Variants in FAM149A observed in about 807,000 individuals in gnomAD.
The protein encoded by FAM149A is protein FAM149A.
In FAM149A, 71 loss-of-function variants were observed where a neutral mutation model predicts 78.2. That is an observed-to-expected ratio of 0.91 (90% CI 0.75 to 1.11). The LOEUF is 1.11. Among genes scored for constraint, FAM149A ranks in the 50% least tolerant of loss-of-function variants. The probability of loss-of-function intolerance (pLI) is 0.00; values close to 1 mark genes in which losing one functional copy is unlikely to be tolerated. For missense variants in FAM149A, 1,036 were observed against 971.0 expected (o/e 1.07, Z -0.89); for synonymous variants, 446 against 410.5 (o/e 1.09, Z -1.04).
chr4:186,149,295 C>G lies in FAM149A; in HGVS notation c.677+12C>G, dbSNP rs1314262126. ...GATAAATATACCTGGTAAGAATTCA[C>G]CTTGCTTCAGATTACAAAATCACAA... On this transcript the variant is annotated intron_variant, in intron 2 of 13. Coordinates refer to ENST00000389354, the MANE Select transcript of FAM149A (RefSeq NM_001367768.3). 1 of 1,279,292 alleles carries G rather than the reference C, an allele frequency of 7.8e-7. No individual in the cohort carries two copies. The highest frequency in any genetic ancestry group is 5.6e-5 in the East Asian group (1 of 17,918). The allele number at this position is 1,279,292 out of a possible 1,614,324, so 79.2% of individuals were successfully genotyped here.
intron 1 of FAM149A, chr4:186,110,395 T>C (rs2099310713): frequency 5.1e-6 from 1 of 197,936 alleles, no homozygotes; most frequent in Non-Finnish European, 5.6e-6. Flanking sequence ...GTTACTTTCT[T>C]TTTTTTTTTT....
rs200091008 is a variant in FAM149A at position 186,166,953 on chromosome 4, C to G, written c.2011-15C>G. 6.2e-7 allele frequency: 1 copy of G among 1,607,458 alleles called. No homozygotes were observed. Among genetic ancestry groups the G allele is most frequent in the Non-Finnish European group, 8.5e-7 (1 of 1,176,044 alleles). On this transcript the variant is annotated splice_polypyrimidine_tract_variant and intron_variant, in intron 11 of 13. Coordinates refer to ENST00000389354, the MANE Select transcript of FAM149A (RefSeq NM_001367768.3). ...TGCATTTATTTTAAACAAGAACATA[C>G]TATCCTTCATTTAGTACAGAGGAAG...
At chr4:186,156,378 A>C (rs549321461) in intron 7 of FAM149A, among the ~76,000 whole-genome samples, 188 bp downstream of exon 7, 2 of 152,296 alleles carry the variant, frequency 1.3e-5, no homozygotes, top group South Asian at 2.1e-4. Flanking sequence ...TGTTATAAAA[A>C]ATAATGCAGG....
chr4:186,109,083 G>GAGAC (rs1206830917), intron 1 of FAM149A: 2 of 454,890 alleles, frequency 4.4e-6, no homozygotes, highest in Non-Finnish European at 5.8e-6. Context: ...TCCTGACCTT[G>GAGAC]TAATTTGCCC....
intron 8 of FAM149A, chr4:186,158,118 C>G: frequency 7.6e-7 from 1 of 1,308,990 alleles, no homozygotes; most frequent in South Asian, 1.2e-5. Context: ...CTGCTGAGGT[C>G]CCTGTCTTGC....
At chr4:186,140,710 A>C (rs2126410093) in intron 1 of FAM149A, among the ~76,000 whole-genome samples, 1 of 152,268 alleles carries the variant, frequency 6.6e-6, no homozygotes, top group South Asian at 2.1e-4. Context: ...AAAACACTTA[A>C]ACAATAAGAT....
At chr4:186,133,259 A>G in intron 1 of FAM149A, 1 of 920,048 alleles carries the variant, frequency 1.1e-6, no homozygotes, top group Non-Finnish European at 1.3e-6. Context: ...GGCATTAAGT[A>G]CCACATTCAC....
chr4:186,133,147 C>G, intron 1 of FAM149A: 2 of 985,382 alleles, frequency 2.0e-6, no homozygotes, highest in South Asian at 9.4e-5. Context: ...TCTTTCCACC[C>G]TACACACTAC....
At chr4:186,157,903 G>C (rs1734194108) in intron 8 of FAM149A, 184 bp downstream of exon 8, 5 of 1,534,640 alleles carry the variant, frequency 3.3e-6, no homozygotes, top group Non-Finnish European at 4.4e-6. Flanking sequence ...ACAATGCCTG[G>C]AGACCTGGAC....
chr4:186,159,763 C>G (rs1171931959), intron 8 of FAM149A, among the ~76,000 whole-genome samples: 1 of 152,100 alleles, frequency 6.6e-6, no homozygotes, highest in East Asian at 1.9e-4. Context: ...AAAGGATACA[C>G]TTGTTCACGC....
intron 6 of FAM149A, among the ~76,000 whole-genome samples, chr4:186,155,185 G>C (rs1017897653): frequency 2.0e-5 from 3 of 152,072 alleles, no homozygotes; most frequent in East Asian, 1.9e-4. Flanking sequence ...CCAGGATGGT[G>C]TCGATCTCCT....
In FAM149A at chr4:186,155,028, G is replaced by T. The variant is rs575415354; in HGVS notation, c.1229+390G>T. Reference sequence around the variant, plus strand: ...CCCAGGCTAGAGTGCAGCCGTGCGAGCTCGGCTGACTGCAAACTCCGCCTC... The same window carrying T: ...CCCAGGCTAGAGTGCAGCCGTGCGATCTCGGCTGACTGCAAACTCCGCCTC... On this transcript the variant is annotated intron_variant, in intron 6 of 13. Transcript: ENST00000389354. The T allele has an allele frequency of 1.7e-4, 131 of 763,844 alleles. 1 individual carries two copies. The African/African-American group carries it at 1.7e-3, about 10-fold the overall frequency. The allele number at this position is 763,844 out of a possible 1,614,324, so 47.3% of individuals were successfully genotyped here.
intron 13 of FAM149A, 61 bp from the exon 14 acceptor site, chr4:186,171,853 G>T: frequency 3.5e-6 from 5 of 1,408,802 alleles, no homozygotes; most frequent in South Asian, 1.4e-5. Context: ...CAAAACAATC[G>T]TTCTGAGTGG....
intron 1 of FAM149A, among the ~76,000 whole-genome samples, chr4:186,129,095 G>A (rs2099319521): frequency 6.6e-6 from 1 of 151,628 alleles, no homozygotes; most frequent in Non-Finnish European, 1.5e-5. Flanking sequence ...GTGTATGGGT[G>A]TGTGTCTCTC....
At chr4:186,159,263 CAAAA>C (rs907436502) in intron 8 of FAM149A, among the ~76,000 whole-genome samples, 18 of 151,346 alleles carry the variant, frequency 1.2e-4, no homozygotes, top group Non-Finnish European at 2.5e-4. Flanking sequence ...AAAACAAAAA[CAAAA>C]AAAACCTTGT....
In FAM149A at chr4:186,144,867, G is replaced by C. The variant is rs571049408; in HGVS notation, c.567-4306G>C. 5 of 980,030 alleles carry C rather than the reference G, an allele frequency of 5.1e-6. No homozygotes were observed. The highest frequency in any genetic ancestry group is 1.8e-5 in the African/African-American group (1 of 56,238). 60.7% of individuals were successfully genotyped at this position (980,030 alleles called of 1,614,324 possible). On this transcript the variant is annotated intron_variant, in intron 1 of 13. Transcript: ENST00000389354. The surrounding 1 kb of genome is among the most constrained non-coding windows in gnomAD (Gnocchi z 4.2). ...CGGAGGATCTGGAGAGGGAAGGGGC[G>C]TGCGAGCCCCGCGGACCCCGGGCGC...
chr4:186,156,843 C>T (rs1057307223), intron 7 of FAM149A, among the ~76,000 whole-genome samples: 6 of 151,670 alleles, frequency 4.0e-5, no homozygotes, highest in African/African-American at 1.2e-4. Context: ...GGCATGGTGG[C>T]ACATGCCTGT....
At position 186,151,904 on chromosome 4, in the gene FAM149A, A is replaced by G. The variant is rs1312364574; in HGVS notation, c.791A>G (p.Glu264Gly). The G allele has an allele frequency of 6.2e-7, 1 of 1,613,928 alleles. No individual in the cohort carries two copies. The highest frequency in any genetic ancestry group is 1.1e-5 in the South Asian group (1 of 91,066). The change falls in exon 4 of 14, where the codon GAA becomes GGA. Residue 264 changes from glutamate to glycine, a missense_variant and splice_region_variant. Physicochemically the swap from Glu to Gly is moderately conservative, Grantham distance 98. Transcript: ENST00000389354. ...AACCAAGTGTGCATTTCTGTTTAGGAATTTGACGAAGCCAGTTCACAGTCA... is the reference window on the plus strand; with the variant it reads ...AACCAAGTGTGCATTTCTGTTTAGGGATTTGACGAAGCCAGTTCACAGTCA...
chr4:186,152,473 T>G (rs189308832), intron 4 of FAM149A, among the ~76,000 whole-genome samples: 1 of 152,184 alleles, frequency 6.6e-6, no homozygotes, highest in East Asian at 1.9e-4. Flanking sequence ...GGAGCATGTG[T>G]TACTTTTCAT....
Sources: gnomAD v4.1 joint callset for allele counts (sites outside exome capture counted in the v4.1 genomes callset) on GRCh38, gnomAD v4.1.1 for gene constraint, Gnocchi (gnomAD v3.1) non-coding constraint, MANE v1.5 for transcripts, NCBI Gene and HGNC (gene_info 2026-07-23, HGNC 2026-07-21) for gene names.